The following GABRB3 variants were observed in gnomAD, a reference collection of about 807,000 sequenced individuals.
GABRB3 encodes the protein gamma-aminobutyric acid type A receptor subunit beta3.
GABRB3 carries 14 observed loss-of-function variants against 52.1 expected under a neutral mutation model. The ratio of observed to expected loss-of-function variants is 0.27; its 90% CI spans 0.18 to 0.42. GABRB3 has a LOEUF of 0.42. Ranked by LOEUF, GABRB3 falls within the 10% of genes least tolerant of loss-of-function variation. The probability of loss-of-function intolerance (pLI) is 1.00; values close to 1 mark genes in which losing one functional copy is unlikely to be tolerated. For synonymous variants in GABRB3, 260 were observed against 232.3 expected, an observed-to-expected ratio of 1.12 and a Z score of -1.08; for missense variants, 307 against 609.1, an observed-to-expected ratio of 0.50 and a Z score of 5.22.
intron 3 of GABRB3, among the ~76,000 whole-genome samples, chr15:26,706,451 G>A (rs1224573227): frequency 7.0e-6 from 1 of 142,330 alleles, no homozygotes; most frequent in Non-Finnish European, 1.5e-5. Flanking sequence ...TTTTTTTTCT[G>A]TTCCTTTTCA....
intron 3 of GABRB3, among the ~76,000 whole-genome samples, chr15:26,664,707 T>G (rs1887653718): frequency 7.2e-6 from 1 of 138,984 alleles, no homozygotes; most frequent in Admixed American, 7.6e-5. Flanking sequence ...TTTCTTTGTT[T>G]TTTTTTTTTT....
chr15:26,691,693 A>G (rs902344799), intron 3 of GABRB3, among the ~76,000 whole-genome samples: 1 of 152,222 alleles, frequency 6.6e-6, no homozygotes, highest in African/African-American at 2.4e-5. Context: ...GGGTTCTTCT[A>G]TACTTAATTA....
intron 4 of GABRB3, among the ~76,000 whole-genome samples, chr15:26,603,683 T>C (rs1891668416): frequency 6.6e-6 from 1 of 152,098 alleles, no homozygotes; most frequent in Admixed American, 6.5e-5. Context: ...TATATCATCA[T>C]TTCCACTGAT....
chr15:26,554,658 G>A (rs1889685741), intron 8 of GABRB3, among the ~76,000 whole-genome samples: 1 of 152,128 alleles, frequency 6.6e-6, no homozygotes, highest in Non-Finnish European at 1.5e-5. Context: ...GATGTTACAA[G>A]AGCACGTGTA....
At chr15:26,629,438 C>A (rs1892848109) in intron 3 of GABRB3, among the ~76,000 whole-genome samples, 1 of 152,340 alleles carries the variant, frequency 6.6e-6, no homozygotes, top group South Asian at 2.1e-4. Flanking sequence ...CAGGCTGTCT[C>A]CTGGCACTGG....
intron 3 of GABRB3, among the ~76,000 whole-genome samples, chr15:26,682,171 G>A (rs1344329275): frequency 2.6e-5 from 4 of 151,998 alleles, no homozygotes; most frequent in African/African-American, 9.7e-5. Flanking sequence ...ACGGTGCCGC[G>A]AAGGCAGTGG....
At chr15:26,674,537 G>A (rs539753622) in intron 3 of GABRB3, among the ~76,000 whole-genome samples, 30 of 151,922 alleles carry the variant, frequency 2.0e-4, no homozygotes, top group Non-Finnish European at 1.8e-4. Flanking sequence ...GCAGCAGAGA[G>A]GAATATAAGA....
chr15:26,671,981 T>C (rs1887913657), intron 3 of GABRB3, among the ~76,000 whole-genome samples: 1 of 152,208 alleles, frequency 6.6e-6, no homozygotes, highest in African/African-American at 2.4e-5. Context: ...TATCAACAAA[T>C]GGTTTCACTA....
At chr15:26,661,991 G>C (rs763773479) in intron 3 of GABRB3, among the ~76,000 whole-genome samples, 1 of 152,098 alleles carries the variant, frequency 6.6e-6, no homozygotes, top group Non-Finnish European at 1.5e-5. Context: ...AAACGCAGCC[G>C]AGATAGTCAA....
chr15:26,587,477 G>A (rs764486693), intron 4 of GABRB3, among the ~76,000 whole-genome samples: 28 of 152,198 alleles, frequency 1.8e-4, no homozygotes, highest in Non-Finnish European at 3.7e-4. Context: ...AGGCTGTGGA[G>A]CAGGAGCATG....
At chr15:26,719,169 C>T (rs567260421) in intron 3 of GABRB3, among the ~76,000 whole-genome samples, 2 of 152,378 alleles carry the variant, frequency 1.3e-5, no homozygotes, top group East Asian at 1.9e-4. Flanking sequence ...TCCTGGTCTT[C>T]GCTCTGCATG....
intron 3 of GABRB3, among the ~76,000 whole-genome samples, chr15:26,738,676 C>T (rs1357693152): frequency 6.6e-6 from 1 of 152,062 alleles, no homozygotes; most frequent in African/African-American, 2.4e-5. Flanking sequence ...CCTGTTGTTA[C>T]CACCTCCCAT....
intron 6 of GABRB3, among the ~76,000 whole-genome samples, chr15:26,569,670 A>G (rs1313766261): frequency 2.0e-5 from 3 of 152,252 alleles, no homozygotes; most frequent in Non-Finnish European, 4.4e-5. Context: ...TGCTAGGCCA[A>G]AGGTTAAAGC....
intron 3 of GABRB3, among the ~76,000 whole-genome samples, chr15:26,653,888 T>C (rs1887277999): frequency 1.3e-5 from 2 of 152,234 alleles, no homozygotes; most frequent in Non-Finnish European, 2.9e-5. Context: ...TTTAGATAAG[T>C]TCCTTTTTTC....
chr15:26,685,763 G>C (rs1360933348), intron 3 of GABRB3, among the ~76,000 whole-genome samples: 4 of 151,618 alleles, frequency 2.6e-5, no homozygotes, highest in Non-Finnish European at 5.9e-5. Context: ...ACAGCCGATG[G>C]CAGGAATATT....
At chr15:26,566,746 G>A (rs1890192926) in intron 7 of GABRB3, among the ~76,000 whole-genome samples, 1 of 151,952 alleles carries the variant, frequency 6.6e-6, no homozygotes, top group Non-Finnish European at 1.5e-5. Flanking sequence ...AAAAAGAACA[G>A]GAAAGAAGGG....
intron 3 of GABRB3, chr15:26,749,870 A>T (rs185786254): frequency 1.3e-5 from 2 of 152,288 alleles, no homozygotes; most frequent in African/African-American, 4.8e-5. Flanking sequence ...AAGGAACTCA[A>T]CGCAGCATCA....
chr15:26,652,835 AT>A (rs1566791750), intron 3 of GABRB3, among the ~76,000 whole-genome samples: 2 of 152,234 alleles, frequency 1.3e-5, no homozygotes, highest in African/African-American at 4.8e-5. Flanking sequence ...AATACAGGAA[AT>A]TGAAAATGAA....
In GABRB3 at chr15:26,672,021, T is replaced by C. The variant is rs1224324891; in HGVS notation, c.241-50487A>G. 2.6e-5 allele frequency among the ~76,000 whole-genome samples: 4 copies of C among 152,312 alleles called. No individual in the cohort carries two copies. In the East Asian group the frequency reaches 7.7e-4, roughly 29 times the overall value. On this transcript the variant is annotated intron_variant, in intron 3 of 8. Transcript: ENST00000311550. ...AACAATGGGTCATACCGAGAAAAAT[T>C]TGGAATAATTACCCTGTATCCTTCT... is the stretch of plus-strand genomic sequence containing the variant.
Sources: allele counts gnomAD v4.1 joint callset (sites outside exome capture counted in the v4.1 genomes callset), GRCh38; gene constraint gnomAD v4.1.1; transcripts MANE v1.5; gene names NCBI Gene and HGNC (gene_info 2026-07-23, HGNC 2026-07-21).